The following PVT1 variants were observed in gnomAD, a reference collection of about 807,000 sequenced individuals.
PVT1 encodes Pvt1 oncogene.
At chr8:128,004,799 C>T (rs1817226652) in intron 4 of PVT1, among the ~76,000 whole-genome samples, 1 of 152,194 alleles carries the variant, frequency 6.6e-6, no homozygotes, top group Non-Finnish European at 1.5e-5. Flanking sequence ...CAATGCCTTT[C>T]TCTATGTTGT....
intron 2 of PVT1, among the ~76,000 whole-genome samples, chr8:127,866,877 T>C (rs1000934643): frequency 6.6e-5 from 10 of 152,314 alleles, no homozygotes; most frequent in Middle Eastern, 3.4e-3. Context: ...GTAAACACAT[T>C]ATCAAGGAGC....
intron 2 of PVT1, among the ~76,000 whole-genome samples, chr8:127,827,910 G>A (rs80208452): frequency 1.3e-5 from 2 of 152,210 alleles, no homozygotes; most frequent in Admixed American, 6.5e-5. Flanking sequence ...GTAACATCTG[G>A]TGAGCCAGGC....
chr8:128,024,595 C>A (rs142737273), intron 4 of PVT1, among the ~76,000 whole-genome samples: 1 of 152,086 alleles, frequency 6.6e-6, no homozygotes, highest in Non-Finnish European at 1.5e-5. Flanking sequence ...TCACTGCACT[C>A]CAGCCTGGGT....
chr8:127,982,615 G>A (rs28680454), intron 3 of PVT1, among the ~76,000 whole-genome samples: 15,182 of 151,820 alleles, frequency 0.1, 1,108 homozygotes, highest in Non-Finnish European at 0.16. Context: ...TTCCAGACCA[G>A]CCTGGGCAAC....
At chr8:127,877,914 G>A (rs927373987) in intron 2 of PVT1, among the ~76,000 whole-genome samples, 3 of 151,888 alleles carry the variant, frequency 2.0e-5, no homozygotes, top group Admixed American at 6.6e-5. Flanking sequence ...TGACAGAACC[G>A]GACTCTGTCT....
chr8:127,923,911 A>C (rs527488899), intron 3 of PVT1, among the ~76,000 whole-genome samples: 69 of 152,338 alleles, frequency 4.5e-4, no homozygotes, highest in Non-Finnish European at 7.9e-4. Context: ...TCCCAAGTAC[A>C]GATTGAACAT....
intron 3 of PVT1, among the ~76,000 whole-genome samples, chr8:127,918,396 A>T (rs1563639159): frequency 6.6e-6 from 1 of 152,122 alleles, no homozygotes; most frequent in Non-Finnish European, 1.5e-5. Context: ...CGGTGAATGG[A>T]GGGCATCCTT....
chr8:127,818,253 C>G (rs564537418), intron 2 of PVT1, among the ~76,000 whole-genome samples: 2 of 152,234 alleles, frequency 1.3e-5, no homozygotes, highest in East Asian at 3.9e-4. Context: ...AGCTTGGATA[C>G]CCCCCTGCCA....
chr8:128,099,181 A>G (rs111670417), intron 6 of PVT1, among the ~76,000 whole-genome samples: 88 of 152,332 alleles, frequency 5.8e-4, no homozygotes, highest in African/African-American at 2.0e-3. Context: ...GCATATGGCG[A>G]CATGCGGGTC....
intron 3 of PVT1, among the ~76,000 whole-genome samples, chr8:127,904,427 AC>A (rs1815795688): frequency 6.6e-6 from 1 of 150,716 alleles, no homozygotes; most frequent in South Asian, 2.1e-4. Context: ...AAATGATGTG[AC>A]CCATTCTGGG....
Position 127,900,366 on chromosome 8 carries a change from A to T in PVT1, n.782+9368A>T, listed in dbSNP as rs558176566. 1.3e-3 allele frequency among the ~76,000 whole-genome samples: 191 copies of T among 148,862 alleles called. 2 individuals are homozygous for T. The highest frequency in any genetic ancestry group is 3.4e-3 in the Middle Eastern group (1 of 290). On this transcript the variant is annotated intron_variant and non_coding_transcript_variant, in intron 3 of 10. Transcript: ENST00000651587. Reference sequence around the variant, plus strand: ...TGGATCATTGTCTTTAAAGAAATTTAAAAAAAAAAATAGATAAATGGGAAG... The same window carrying T: ...TGGATCATTGTCTTTAAAGAAATTTTAAAAAAAAAATAGATAAATGGGAAG...
intron 4 of PVT1, among the ~76,000 whole-genome samples, chr8:128,012,840 C>T (rs1256763367): frequency 2.0e-5 from 3 of 152,120 alleles, no homozygotes; most frequent in Admixed American, 6.5e-5. Context: ...CCACTCCCAC[C>T]GTACTCCAGA....
intron 2 of PVT1, among the ~76,000 whole-genome samples, chr8:127,840,040 G>T (rs762978302): frequency 5.3e-5 from 8 of 152,192 alleles, no homozygotes; most frequent in Non-Finnish European, 1.0e-4. Context: ...GATTGAGTCG[G>T]GAGGGAGGGG....
chr8:127,929,058 C>T (rs955570677), intron 3 of PVT1, among the ~76,000 whole-genome samples: 1 of 152,104 alleles, frequency 6.6e-6, no homozygotes, highest in African/African-American at 2.4e-5. Context: ...TATACCCCTA[C>T]TTAGAAGCAA....
intron 4 of PVT1, among the ~76,000 whole-genome samples, chr8:128,037,623 G>A (rs1285873541): frequency 6.6e-6 from 1 of 152,196 alleles, no homozygotes; most frequent in African/African-American, 2.4e-5. Flanking sequence ...CACAGACAGA[G>A]GAGGTACCCA....
At chr8:128,094,570 A>G (rs904525599) in intron 5 of PVT1, among the ~76,000 whole-genome samples, 1 of 152,214 alleles carries the variant, frequency 6.6e-6, no homozygotes, top group African/African-American at 2.4e-5. Context: ...TTACAAAAAA[A>G]TTTTGTGCTG....
chr8:127,871,388 A>T (rs1815350403), intron 2 of PVT1, among the ~76,000 whole-genome samples: 1 of 152,230 alleles, frequency 6.6e-6, no homozygotes, highest in Non-Finnish European at 1.5e-5. Flanking sequence ...CTTTTGTATC[A>T]AATAGACATT....
At chr8:128,013,619 G>A (rs1817339747) in intron 4 of PVT1, among the ~76,000 whole-genome samples, 1 of 152,202 alleles carries the variant, frequency 6.6e-6, no homozygotes, top group African/African-American at 2.4e-5. Context: ...AAGAGGAAGT[G>A]GAAATAGGCT....
chr8:127,804,562 ACAG>A lies in PVT1; in HGVS notation n.372+8494_372+8496del, dbSNP rs1250309858. ...GATTTTTTTTTTTTTTTTTTTTGAG[ACAG>A]CATCTCATTCTGTTATCCAGGCTGG... On this transcript the variant is annotated intron_variant and non_coding_transcript_variant, in intron 2 of 10. Transcript: ENST00000651587. 6.1e-4 allele frequency among the ~76,000 whole-genome samples: 75 copies of A among 123,300 alleles called. 1 individual carries two copies. The highest frequency in any genetic ancestry group is 2.4e-3 in the African/African-American group (73 of 29,838). The allele number at this position is 123,300 out of a possible 152,430, so 80.9% of individuals were successfully genotyped here.
Sources: allele counts gnomAD v4.1 joint callset (sites outside exome capture counted in the v4.1 genomes callset), GRCh38; gene constraint gnomAD v4.1.1; transcripts MANE v1.5; gene names NCBI Gene and HGNC (gene_info 2026-07-23, HGNC 2026-07-21).